Variants in GALNT13 observed in about 807,000 individuals in gnomAD.
GALNT13 encodes polypeptide N-acetylgalactosaminyltransferase 13.
In GALNT13, 28 loss-of-function variants were observed where a neutral mutation model predicts 64.2. That is an observed-to-expected ratio of 0.44 (90% CI 0.32 to 0.60). The LOEUF is 0.60. Among genes scored for constraint, GALNT13 ranks in the 20% least tolerant of loss-of-function variants. The pLI, the probability that GALNT13 is intolerant of heterozygous loss-of-function variation, is 0.05. For synonymous variants in GALNT13, 214 were observed against 224.6 expected, an observed-to-expected ratio of 0.95 and a Z score of 0.42; for missense variants, 577 against 669.8, an observed-to-expected ratio of 0.86 and a Z score of 1.53.
At chr2:153,789,743 A>C in the GALNT13 span, among the ~76,000 whole-genome samples, 1 of 152,190 alleles carries the variant, frequency 6.6e-6, no homozygotes, top group South Asian at 2.1e-4. Context: ...GAAATGATAA[A>C]GGAGATTTTA....
At chr2:154,234,291 T>A (rs989035912) in intron 4 of GALNT13, among the ~76,000 whole-genome samples, 1 of 152,188 alleles carries the variant, frequency 6.6e-6, no homozygotes, top group African/African-American at 2.4e-5. Flanking sequence ...CTTCATATTA[T>A]AAGAATATTA....
At chr2:153,755,368 C>A in the GALNT13 span, among the ~76,000 whole-genome samples, 4 of 152,166 alleles carry the variant, frequency 2.6e-5, no homozygotes, top group South Asian at 6.2e-4. Flanking sequence ...GTATTCCTAT[C>A]AACTGAGTAA....
the GALNT13 span, among the ~76,000 whole-genome samples, chr2:153,144,650 C>G: frequency 4.2e-3 from 634 of 151,908 alleles, 6 homozygotes; most frequent in African/African-American, 0.014. Flanking sequence ...AAGATACAAA[C>G]TCATGGTCTG....
the GALNT13 span, among the ~76,000 whole-genome samples, chr2:153,587,232 C>CAA: frequency 0.38 from 48,673 of 128,856 alleles, 9,515 homozygotes; most frequent in Middle Eastern, 0.52. Context: ...GACTCTGTCT[C>CAA]AAAAAAAAAA....
At chr2:153,345,619 T>TTTTCC in the GALNT13 span, among the ~76,000 whole-genome samples, 1,053 of 141,464 alleles carry the variant, frequency 7.4e-3, 8 homozygotes, top group Non-Finnish European at 0.011. Context: ...TTTTCTTTTC[T>TTTTCC]TTTCTTTTCC....
chr2:154,134,260 G>T (rs1014424879), intron 3 of GALNT13, among the ~76,000 whole-genome samples: 1 of 152,154 alleles, frequency 6.6e-6, no homozygotes. Context: ...ATGTAAAAGA[G>T]CTATAAAATT....
chr2:153,810,176 G>T, the GALNT13 span, among the ~76,000 whole-genome samples: 1 of 152,048 alleles, frequency 6.6e-6, no homozygotes, highest in Non-Finnish European at 1.5e-5. Flanking sequence ...TGTTAGCCAG[G>T]ATGGTCTCAA....
At chr2:154,066,914 A>C (rs1485842457) in intron 3 of GALNT13, among the ~76,000 whole-genome samples, 1 of 152,148 alleles carries the variant, frequency 6.6e-6, no homozygotes, top group Non-Finnish European at 1.5e-5. Flanking sequence ...GGTCAAAAGT[A>C]ATAACAACAA....
At chr2:153,519,538 A>T in the GALNT13 span, among the ~76,000 whole-genome samples, 1 of 151,992 alleles carries the variant, frequency 6.6e-6, no homozygotes, top group South Asian at 2.1e-4. Context: ...TTGCCCTTTC[A>T]TGGGCTTTTT....
chr2:153,738,988 CA>C, the GALNT13 span, among the ~76,000 whole-genome samples: 23 of 152,008 alleles, frequency 1.5e-4, no homozygotes, highest in Admixed American at 1.4e-3. Context: ...TGCGTGATCA[CA>C]CATGCATCCA....
At chr2:153,147,268 G>A in the GALNT13 span, among the ~76,000 whole-genome samples, 17 of 151,844 alleles carry the variant, frequency 1.1e-4, no homozygotes, top group Admixed American at 7.9e-4. Flanking sequence ...TGACAAGTGC[G>A]GTGAGAATGT....
intron 3 of GALNT13, among the ~76,000 whole-genome samples, chr2:153,964,389 C>A (rs1693176441): frequency 6.6e-6 from 1 of 152,136 alleles, no homozygotes; most frequent in African/African-American, 2.4e-5. Context: ...ATGGAGGTTG[C>A]AGTGAGCCAA....
chr2:153,331,966 A>G, the GALNT13 span, among the ~76,000 whole-genome samples: 1 of 152,166 alleles, frequency 6.6e-6, no homozygotes, highest in African/African-American at 2.4e-5. Flanking sequence ...TGTGCATAGA[A>G]GTGCTCATAA....
chr2:153,952,573 TATC>T (rs1438089019), intron 3 of GALNT13, among the ~76,000 whole-genome samples: 3 of 152,138 alleles, frequency 2.0e-5, no homozygotes, highest in African/African-American at 7.2e-5. Flanking sequence ...GGAGGTTTCT[TATC>T]ATCACAGAGG....
chr2:153,410,308 C>T, the GALNT13 span, among the ~76,000 whole-genome samples: 3 of 151,850 alleles, frequency 2.0e-5, no homozygotes, highest in Middle Eastern at 3.2e-3. Flanking sequence ...GTTGCCCAGA[C>T]TTATCTAGAA....
At chr2:153,545,436 C>T in the GALNT13 span, among the ~76,000 whole-genome samples, 1 of 152,120 alleles carries the variant, frequency 6.6e-6, no homozygotes, top group Non-Finnish European at 1.5e-5. Context: ...GGAGAAAATG[C>T]CTGCTTTGTC....
intron 3 of GALNT13, among the ~76,000 whole-genome samples, chr2:153,977,490 G>A (rs58279439): frequency 0.078 from 11,879 of 152,078 alleles, 784 homozygotes; most frequent in African/African-American, 0.17. Context: ...ATCAGATCCC[G>A]TGAAATCACT....
chr2:153,755,282 C>T, the GALNT13 span, among the ~76,000 whole-genome samples: 1 of 152,110 alleles, frequency 6.6e-6, no homozygotes, highest in South Asian at 2.1e-4. Flanking sequence ...CTTCTGCCAT[C>T]TTGATCCATC....
At chr2:153,924,633 C>A (rs1043041434) in intron 2 of GALNT13, among the ~76,000 whole-genome samples, 2 of 152,268 alleles carry the variant, frequency 1.3e-5, no homozygotes, top group East Asian at 1.9e-4. Context: ...GAGGAATTGC[C>A]ATACTGCCTT....
Sources: gnomAD v4.1 joint callset for allele counts (sites outside exome capture counted in the v4.1 genomes callset) on GRCh38, gnomAD v4.1.1 for gene constraint, MANE v1.5 for transcripts, NCBI Gene and HGNC (gene_info 2026-07-23, HGNC 2026-07-21) for gene names.